Variants in SDK1 observed in about 807,000 individuals in gnomAD.
SDK1 encodes sidekick cell adhesion molecule 1.
A neutral mutation model predicts 245.5 loss-of-function variants in SDK1; 157 were observed. That is an observed-to-expected ratio of 0.64 (90% CI 0.56 to 0.73). The LOEUF (loss-of-function observed/expected upper bound fraction) is 0.73, where lower values mean the gene tolerates loss of function less well. Among genes scored for constraint, SDK1 ranks in the 30% least tolerant of loss-of-function variants. SDK1 has a pLI of 0.00. For missense variants in SDK1, 3,583 were observed against 3,002.3 expected (o/e 1.19, Z -4.52); for synonymous variants, 1,647 against 1,278.5 (o/e 1.29, Z -6.15).
At chr7:3,468,821 A>C (rs1781092237) in intron 1 of SDK1, among the ~76,000 whole-genome samples, 2 of 152,174 alleles carry the variant, frequency 1.3e-5, no homozygotes. Flanking sequence ...TTCATTATGA[A>C]GGCCTCTGTG....
chr7:4,161,940 G>T, intron 32 of SDK1, 84 bp downstream of exon 32: 1 of 1,230,622 alleles, frequency 8.1e-7, no homozygotes, highest in Non-Finnish European at 1.2e-6. Flanking sequence ...GACATGGACT[G>T]CAAGCTGAGC....
intron 1 of SDK1, among the ~76,000 whole-genome samples, chr7:3,580,059 G>C (rs545571625): frequency 1.1e-4 from 17 of 152,126 alleles, no homozygotes; most frequent in Non-Finnish European, 2.5e-4. Context: ...CAAACATAAT[G>C]TAATACCTAG....
intron 13 of SDK1, among the ~76,000 whole-genome samples, chr7:3,985,965 C>T (rs754875674): frequency 2.0e-5 from 3 of 152,096 alleles, no homozygotes; most frequent in African/African-American, 2.4e-5. Context: ...AGCTGGTTAG[C>T]GGTGACCCGG....
intron 1 of SDK1, among the ~76,000 whole-genome samples, chr7:3,580,968 CAAAAAAA>C (rs60617574): frequency 0.19 from 4,772 of 24,712 alleles, 143 homozygotes; most frequent in South Asian, 0.36. Context: ...GACTCCATCT[CAAAAAAA>C]AAAAAAAAAA....
At chr7:3,581,499 G>C (rs899033567) in intron 1 of SDK1, among the ~76,000 whole-genome samples, 1 of 152,144 alleles carries the variant, frequency 6.6e-6, no homozygotes, top group Non-Finnish European at 1.5e-5. Flanking sequence ...AAAAATAACA[G>C]ATGTGGGCCA....
In SDK1 at chr7:3,806,573, C is replaced by G. The variant is rs186128140; in HGVS notation, c.714-14877C>G. On this transcript the variant is annotated intron_variant, in intron 4 of 44. Transcript: ENST00000404826. ...CTGTGGCCTTTGGTCCTTTGCAGAA[C>G]TTCACACCTGTTCATTTGAATCATT... Among the ~76,000 whole-genome samples the G allele has an allele frequency of 2.0e-3, 299 of 152,368 alleles. 1 individual carries two copies. Among genetic ancestry groups the G allele is most frequent in the African/African-American group, 6.9e-3 (286 of 41,584 alleles).
At chr7:3,606,912 G>T (rs1269178224) in intron 1 of SDK1, among the ~76,000 whole-genome samples, 3 of 151,650 alleles carry the variant, frequency 2.0e-5, no homozygotes, top group African/African-American at 7.3e-5. Context: ...GTACAACACT[G>T]AAAAAAGTGT....
intron 38 of SDK1, among the ~76,000 whole-genome samples, chr7:4,211,350 G>A (rs1157706028): frequency 6.6e-6 from 1 of 152,180 alleles, no homozygotes; most frequent in Admixed American, 6.5e-5. Flanking sequence ...GGGTGGCAGA[G>A]ATTCTGTAGA....
intron 5 of SDK1, among the ~76,000 whole-genome samples, chr7:3,898,371 T>A (rs1781674800): frequency 1.3e-5 from 2 of 152,194 alleles, no homozygotes; most frequent in African/African-American, 4.8e-5. Flanking sequence ...CGGTACAATG[T>A]CACATCATGA....
chr7:3,967,191 A>G, intron 9 of SDK1, 127 bp from the exon 10 acceptor site: 1 of 732,370 alleles, frequency 1.4e-6, no homozygotes, highest in Non-Finnish European at 2.4e-6. Flanking sequence ...CCTGAACAGT[A>G]TTCCTTTTGT....
chr7:3,701,924 C>CAAAA (rs58687135), intron 4 of SDK1, among the ~76,000 whole-genome samples: 38 of 85,682 alleles, frequency 4.4e-4, no homozygotes, highest in Non-Finnish European at 4.8e-4. Context: ...CGTGCATAAG[C>CAAAA]AAAAAAAAAA....
intron 4 of SDK1, among the ~76,000 whole-genome samples, chr7:3,780,611 G>A (rs1169183010): frequency 6.6e-6 from 1 of 152,076 alleles, no homozygotes; most frequent in Non-Finnish European, 1.5e-5. Flanking sequence ...CACCCAACAA[G>A]CCTGCACAGG....
chr7:4,204,894 T>C (rs1382609177), intron 35 of SDK1, among the ~76,000 whole-genome samples: 1 of 80,970 alleles, frequency 1.2e-5, no homozygotes, highest in Non-Finnish European at 2.4e-5. Context: ...GAAGCTGGCA[T>C]GGGGCAGACA....
At chr7:3,615,479 A>C (rs1781737374) in intron 1 of SDK1, among the ~76,000 whole-genome samples, 1 of 151,782 alleles carries the variant, frequency 6.6e-6, no homozygotes, top group African/African-American at 2.4e-5. Flanking sequence ...ACTTTGAGTT[A>C]CATGTGCTGT....
chr7:3,361,649 G>A (rs1228035255), intron 1 of SDK1, among the ~76,000 whole-genome samples: 3 of 152,166 alleles, frequency 2.0e-5, no homozygotes, highest in East Asian at 3.8e-4. Context: ...TGTGGTGCCT[G>A]ATCAATTACC....
rs376697169 is a variant in SDK1 at position 3,943,692 on chromosome 7, G to C, written c.848-7231G>C. Reference sequence around the variant, plus strand: ...TTTGCAGTGACTCCACAGCTTAGCAGTTCGGGTTAACTTTGAACTTTATTT... The same window carrying C: ...TTTGCAGTGACTCCACAGCTTAGCACTTCGGGTTAACTTTGAACTTTATTT... On this transcript the variant is annotated intron_variant, in intron 5 of 44. Coordinates refer to ENST00000404826, the MANE Select transcript of SDK1 (RefSeq NM_152744.4). Among the ~76,000 whole-genome samples, 20 of 152,086 alleles carry C rather than the reference G, an allele frequency of 1.3e-4. No individual in the cohort carries two copies. The South Asian group carries it at 2.3e-3, about 17-fold the overall frequency.
chr7:4,139,216 G>A (rs1476870857), intron 28 of SDK1, among the ~76,000 whole-genome samples: 3 of 151,510 alleles, frequency 2.0e-5, no homozygotes, highest in African/African-American at 2.4e-5. Flanking sequence ...CTCCCAAATC[G>A]CCACTTGCAC....
At chr7:3,735,610 G>A (rs1364794093) in intron 4 of SDK1, among the ~76,000 whole-genome samples, 1 of 152,196 alleles carries the variant, frequency 6.6e-6, no homozygotes, top group Admixed American at 6.5e-5. Flanking sequence ...TATTGTGAAT[G>A]ATGCCGTTAT....
chr7:3,617,275 G>A (rs1387671702), intron 1 of SDK1, among the ~76,000 whole-genome samples: 1 of 152,190 alleles, frequency 6.6e-6, no homozygotes, highest in Admixed American at 6.5e-5. Context: ...TCCTGGCATT[G>A]TTCTAGGTGC....
Sources: allele counts gnomAD v4.1 joint callset (sites outside exome capture counted in the v4.1 genomes callset), GRCh38; gene constraint gnomAD v4.1.1; transcripts MANE v1.5; gene names NCBI Gene and HGNC (gene_info 2026-07-23, HGNC 2026-07-21).